Variants in RANBP2 observed in about 807,000 individuals in gnomAD.
The protein encoded by RANBP2 is RAN binding protein 2, also known as E3 SUMO-protein ligase RanBP2.
In RANBP2, 57 loss-of-function variants were observed where a neutral mutation model predicts 303.6. The ratio of observed to expected loss-of-function variants is 0.19; its 90% CI spans 0.15 to 0.23. The LOEUF (loss-of-function observed/expected upper bound fraction) is 0.23, where lower values mean the gene tolerates loss of function less well. Among genes scored for constraint, RANBP2 ranks in the 10% least tolerant of loss-of-function variants. The probability of loss-of-function intolerance (pLI) is 1.00; values close to 1 mark genes in which losing one functional copy is unlikely to be tolerated. For synonymous variants in RANBP2, 1,167 were observed against 1,301.5 expected, an observed-to-expected ratio of 0.90 and a Z score of 2.23; for missense variants, 3,138 against 3,780.8, an observed-to-expected ratio of 0.83 and a Z score of 4.46.
At chr2:109,189,842 C>T in the RANBP2 span, among the ~76,000 whole-genome samples, 1 of 152,270 alleles carries the variant, frequency 6.6e-6, no homozygotes, top group African/African-American at 2.4e-5. Context: ...CGACAGTGGC[C>T]AGAGATCATG....
At chr2:108,773,325 G>GC (rs1057149859) in intron 23 of RANBP2, among the ~76,000 whole-genome samples, 1 of 151,828 alleles carries the variant, frequency 6.6e-6, no homozygotes, top group Non-Finnish European at 1.5e-5. Flanking sequence ...GCCATGTTGG[G>GC]CCAGGCTGGT....
chr2:108,966,520 C>G, the RANBP2 span, among the ~76,000 whole-genome samples: 2 of 152,178 alleles, frequency 1.3e-5, no homozygotes, highest in South Asian at 4.1e-4. Context: ...TCAGCCATAC[C>G]CTGTGCTCTT....
the RANBP2 span, chr2:108,929,262 G>A: frequency 1.2e-5 from 19 of 1,614,170 alleles, no homozygotes; most frequent in South Asian, 5.5e-5. Context: ...ACGGTGGCCC[G>A]GAAGAAGCCC....
At chr2:108,798,710 C>A in the RANBP2 span, 1 of 22,066 alleles carries the variant, frequency 4.5e-5, no homozygotes, top group South Asian at 1.2e-3. Context: ...TCCACGCCTA[C>A]ACACACACAC....
chr2:109,040,983 G>A, the RANBP2 span, among the ~76,000 whole-genome samples: 1 of 152,192 alleles, frequency 6.6e-6, no homozygotes, highest in Non-Finnish European at 1.5e-5. Flanking sequence ...GTGGACCCAG[G>A]AGGCGGAGCT....
At position 108,767,063 on chromosome 2, in the gene RANBP2, G is replaced by A. The variant is rs1362507044; in HGVS notation, c.6524G>A (p.Ser2175Asn). 6.2e-7 allele frequency: 1 copy of A among 1,610,834 alleles called. No individual in the cohort carries two copies. Among genetic ancestry groups the A allele is most frequent in the East Asian group, 2.2e-5 (1 of 44,882 alleles). ...KLIQRAEEMK[S>N]GLKDFKTFLT... Reference sequence around the variant, plus strand: ...ATACAGAGAGCTGAAGAAATGAAGAGTGGACTGAAAGATTTCAAAACATTT... The same window carrying A: ...ATACAGAGAGCTGAAGAAATGAAGAATGGACTGAAAGATTTCAAAACATTT... Residue 2175 changes from serine to asparagine, a missense_variant, in exon 20 of 29, where the codon AGT becomes AAT. By Grantham distance (46) the Ser-to-Asn change is conservative. This residue lies in a region of RANBP2 where 103 missense variants were observed against 214.3 expected (regional missense o/e 0.48). Coordinates refer to ENST00000283195, the MANE Select transcript of RANBP2 (RefSeq NM_006267.5).
chr2:108,775,085 C>A (rs1677781816), intron 23 of RANBP2, among the ~76,000 whole-genome samples: 1 of 152,174 alleles, frequency 6.6e-6, no homozygotes, highest in African/African-American at 2.4e-5. Context: ...TCCTTCTAAG[C>A]ACTTCCTAGC....
the RANBP2 span, among the ~76,000 whole-genome samples, chr2:109,085,971 A>G: frequency 6.6e-6 from 1 of 152,138 alleles, no homozygotes; most frequent in South Asian, 2.1e-4. Context: ...TACTGCCATC[A>G]CCACCATCCA....
the RANBP2 span, among the ~76,000 whole-genome samples, chr2:109,028,245 T>A: frequency 6.6e-6 from 1 of 152,242 alleles, no homozygotes; most frequent in Non-Finnish European, 1.5e-5. Context: ...CACTCCACTC[T>A]GGGTGACAGA....
At chr2:108,783,003 GCATCACTA>G in intron 28 of RANBP2, 141 bp downstream of exon 28, 4 of 764,190 alleles carry the variant, frequency 5.2e-6, no homozygotes, top group Non-Finnish European at 8.7e-6. Flanking sequence ...GAATCACATG[GCATCACTA>G]CCCATTCCCT....
chr2:109,373,671 T>C, the RANBP2 span, among the ~76,000 whole-genome samples: 1 of 152,034 alleles, frequency 6.6e-6, no homozygotes, highest in Non-Finnish European at 1.5e-5. Flanking sequence ...GTAAGGAGGT[T>C]CTGGGCTGCA....
At chr2:109,263,145 C>T in the RANBP2 span, among the ~76,000 whole-genome samples, 36,887 of 152,132 alleles carry the variant, frequency 0.24, 4,899 homozygotes, top group East Asian at 0.46. Flanking sequence ...CACGCCCAGC[C>T]GCAATCACTT....
At chr2:109,573,495 T>C in the RANBP2 span, among the ~76,000 whole-genome samples, 1 of 152,212 alleles carries the variant, frequency 6.6e-6, no homozygotes, top group African/African-American at 2.4e-5. Context: ...TCATATAAGC[T>C]ACATCAATTT....
At chr2:108,899,132 G>T in the RANBP2 span, among the ~76,000 whole-genome samples, 2 of 152,152 alleles carry the variant, frequency 1.3e-5, no homozygotes, top group Non-Finnish European at 1.5e-5. Flanking sequence ...CATCATAAAT[G>T]AACTTCTGAA....
the RANBP2 span, among the ~76,000 whole-genome samples, chr2:109,211,857 G>T: frequency 6.6e-6 from 1 of 152,238 alleles, no homozygotes; most frequent in South Asian, 2.1e-4. Context: ...TGGCCAGGCT[G>T]GTTTCAAACT....
At chr2:109,111,330 A>C in the RANBP2 span, among the ~76,000 whole-genome samples, 3 of 152,210 alleles carry the variant, frequency 2.0e-5, no homozygotes, top group Admixed American at 6.5e-5. Flanking sequence ...TATTATGGGA[A>C]TACTGAAGGA....
At chr2:109,558,514 T>C in the RANBP2 span, among the ~76,000 whole-genome samples, 1 of 152,182 alleles carries the variant, frequency 6.6e-6, no homozygotes, top group Admixed American at 6.6e-5. Flanking sequence ...AACTTGGGGA[T>C]TTAAAGAGTT....
At chr2:108,812,628 T>C in the RANBP2 span, 5 of 1,608,436 alleles carry the variant, frequency 3.1e-6, no homozygotes, top group South Asian at 3.3e-5. Context: ...TTCTACCCTT[T>C]AGTTAAATGA....
At chr2:108,853,309 T>TA in the RANBP2 span, among the ~76,000 whole-genome samples, 4 of 152,286 alleles carry the variant, frequency 2.6e-5, no homozygotes, top group African/African-American at 9.6e-5. Flanking sequence ...CAGTCTAATA[T>TA]AATTGACCCA....
Sources: gnomAD v4.1 joint callset for allele counts (sites outside exome capture counted in the v4.1 genomes callset) on GRCh38, gnomAD v4.1.1 for gene constraint, gnomAD v4.1.1 regional missense constraint, MANE v1.5 for transcripts, NCBI Gene and HGNC (gene_info 2026-07-23, HGNC 2026-07-21) for gene names.